Variants in TRPC4AP observed in about 807,000 individuals in gnomAD.
TRPC4AP encodes the protein short transient receptor potential channel 4-associated protein.
TRPC4AP carries 45 observed loss-of-function variants against 99.0 expected under a neutral mutation model. The observed-to-expected ratio is 0.45, with a 90% CI of 0.36 to 0.58. The LOEUF (loss-of-function observed/expected upper bound fraction) is 0.58. Among genes scored for constraint, TRPC4AP ranks in the 20% least tolerant of loss-of-function variants. The pLI is 0.00. For missense variants in TRPC4AP, 879 were observed against 985.3 expected (o/e 0.89, Z 1.44); for synonymous variants, 408 against 385.8 (o/e 1.06, Z -0.67).
At chr20:35,088,055 C>T (rs2084935810) in intron 1 of TRPC4AP, among the ~76,000 whole-genome samples, 2 of 152,172 alleles carry the variant, frequency 1.3e-5, no homozygotes, top group South Asian at 4.1e-4. Context: ...AGGAGAAACA[C>T]GAATGGAAAC....
chr20:35,037,183 A>G (rs2083337843), intron 7 of TRPC4AP, among the ~76,000 whole-genome samples: 1 of 151,382 alleles, frequency 6.6e-6, no homozygotes, highest in Non-Finnish European at 1.5e-5. Flanking sequence ...CATCTCTACT[A>G]AGAAGTACAA....
chr20:35,074,233 T>C (rs763523494), intron 2 of TRPC4AP, among the ~76,000 whole-genome samples: 8 of 152,220 alleles, frequency 5.3e-5, no homozygotes, highest in South Asian at 2.1e-4. Flanking sequence ...TCTGGATTCA[T>C]TGATTTTTTG....
intron 12 of TRPC4AP, among the ~76,000 whole-genome samples, 176 bp downstream of exon 12, chr20:35,010,011 C>T (rs557554624): frequency 1.3e-5 from 2 of 152,318 alleles, no homozygotes; most frequent in African/African-American, 4.8e-5. Context: ...TGTGAGGCTC[C>T]AATGAGAAAA....
rs2082523285 is a variant in TRPC4AP at position 35,006,594 on chromosome 20, G to A, written c.1687-19C>T. ...GGATGTGCTGGGTGAGGAGGGACAG[G>A]GTGAAGGTGTCAACGTGGCTGCCCC... On this transcript the variant is annotated intron_variant, in intron 14 of 18. Transcript: ENST00000252015. 3.1e-6 allele frequency: 5 copies of A among 1,609,812 alleles called. No homozygotes were observed. Among genetic ancestry groups the A allele is most frequent in the Non-Finnish European group, 4.2e-6 (5 of 1,176,724 alleles).
At chr20:35,083,572 T>C (rs1261696572) in intron 1 of TRPC4AP, among the ~76,000 whole-genome samples, 1 of 150,264 alleles carries the variant, frequency 6.7e-6, no homozygotes, top group African/African-American at 2.5e-5. Flanking sequence ...ATGGTGCCAC[T>C]GCACTACAAT....
At chr20:35,049,347 C>T (rs970148813) in intron 6 of TRPC4AP, among the ~76,000 whole-genome samples, 1 of 151,426 alleles carries the variant, frequency 6.6e-6, no homozygotes, top group East Asian at 1.9e-4. Context: ...TCTCCTACTG[C>T]GCTGGTGCCA....
At chr20:35,062,918 C>T (rs1369000171) in intron 3 of TRPC4AP, among the ~76,000 whole-genome samples, 1 of 152,166 alleles carries the variant, frequency 6.6e-6, no homozygotes, top group African/African-American at 2.4e-5. Flanking sequence ...GTTATAGAAG[C>T]TAGACATAAA....
intron 3 of TRPC4AP, 22 bp from the exon 4 acceptor site, chr20:35,057,593 A>G: frequency 1.3e-6 from 2 of 1,571,680 alleles, no homozygotes; most frequent in Non-Finnish European, 8.7e-7. Flanking sequence ...ATTAGATAAA[A>G]TCTTCAAAAT....
chr20:35,079,865 A>AT lies in TRPC4AP; in HGVS notation c.169-1692_169-1691insA, dbSNP rs574607920. Reference sequence around the variant, plus strand: ...GAGCTCGCCTCTACTAAAAATAAAAAAAAAAAATAAGCCAAGGGTGGTGGT... The same window carrying AT: ...GAGCTCGCCTCTACTAAAAATAAAAATAAAAAAATAAGCCAAGGGTGGTGGT... On this transcript the variant is annotated intron_variant, in intron 1 of 18. Transcript: ENST00000252015. Among the ~76,000 whole-genome samples, 19 of 151,460 alleles carry AT rather than the reference A, an allele frequency of 1.3e-4. 1 individual carries two copies. In the South Asian group the frequency reaches 3.6e-3, roughly 28 times the overall value.
intron 10 of TRPC4AP, among the ~76,000 whole-genome samples, chr20:35,015,004 C>CT (rs1253433324): frequency 1.3e-5 from 2 of 152,174 alleles, no homozygotes; most frequent in Non-Finnish European, 2.9e-5. Flanking sequence ...CCAAAGCCAC[C>CT]TTTTTTTGTA....
rs747907552 is a variant in TRPC4AP at position 35,069,423 on chromosome 20, T to TA, written c.298-12dup. ...AAGAGGAGAAATTTCCTAGTTTTTT[T>TA]AAAAAAAAGTACATACATTGTTTTA... On this transcript the variant is annotated splice_polypyrimidine_tract_variant and intron_variant, in intron 2 of 18. Coordinates refer to ENST00000252015, the MANE Select transcript of TRPC4AP (RefSeq NM_015638.3). 3.2e-5 allele frequency: 48 copies of TA among 1,521,020 alleles called. No homozygotes were observed. The highest frequency in any genetic ancestry group is 4.6e-5 in the South Asian group (4 of 87,812). The allele number at this position is 1,521,020 out of a possible 1,614,324, so 94.2% of individuals were successfully genotyped here. A position where few individuals can be genotyped will look rare whatever the true frequency, so the allele number is the denominator to read the frequency against.
chr20:35,006,331 G>C (rs1396336858), intron 15 of TRPC4AP, 104 bp downstream of exon 15: 1 of 1,383,502 alleles, frequency 7.2e-7, no homozygotes, highest in African/African-American at 1.4e-5. Context: ...AGACTCCCCC[G>C]TCGTCTCTAA....
intron 5 of TRPC4AP, among the ~76,000 whole-genome samples, chr20:35,050,814 C>A (rs562377635): frequency 6.6e-6 from 1 of 151,760 alleles, no homozygotes. Flanking sequence ...GACCTTAAAA[C>A]TTAGGTTCAA....
intron 2 of TRPC4AP, among the ~76,000 whole-genome samples, chr20:35,070,535 C>A (rs1263180319): frequency 6.6e-6 from 1 of 151,978 alleles, no homozygotes; most frequent in South Asian, 2.1e-4. Context: ...CTCAGCCTCC[C>A]GAGTAGCTGG....
At chr20:35,050,899 AG>A (rs2083682238) in intron 5 of TRPC4AP, among the ~76,000 whole-genome samples, 1 of 152,036 alleles carries the variant, frequency 6.6e-6, no homozygotes, top group African/African-American at 2.4e-5. Flanking sequence ...CCGGAGGCTG[AG>A]GTGAGAGGAC....
intron 7 of TRPC4AP, among the ~76,000 whole-genome samples, chr20:35,038,118 G>A (rs371969033): frequency 4.0e-5 from 6 of 149,494 alleles, no homozygotes; most frequent in Admixed American, 2.7e-4. Context: ...TTCCTTTTGG[G>A]GTGATGAAAA....
chr20:35,035,415 T>C (rs532914870), intron 7 of TRPC4AP, 107 bp from the exon 8 acceptor site: 2 of 1,180,892 alleles, frequency 1.7e-6, no homozygotes, highest in Admixed American at 2.8e-5. Flanking sequence ...CTTACTCTGA[T>C]AGTAGCTAAA....
intron 1 of TRPC4AP, among the ~76,000 whole-genome samples, chr20:35,085,716 G>GT (rs948263294): frequency 6.6e-6 from 1 of 152,070 alleles, no homozygotes; most frequent in African/African-American, 2.4e-5. Flanking sequence ...TTACTGGCAG[G>GT]TATCACATGG....
chr20:35,083,688 T>A (rs1362422855), intron 1 of TRPC4AP, among the ~76,000 whole-genome samples: 1 of 148,458 alleles, frequency 6.7e-6, no homozygotes. Flanking sequence ...TGTGTCAGAA[T>A]AAGACATTTT....
Sources: gnomAD v4.1 joint callset for allele counts (sites outside exome capture counted in the v4.1 genomes callset) on GRCh38, gnomAD v4.1.1 for gene constraint, MANE v1.5 for transcripts, NCBI Gene and HGNC (gene_info 2026-07-23, HGNC 2026-07-21) for gene names.